Variants in LGSN observed in about 807,000 individuals in gnomAD.
The protein encoded by LGSN is lengsin.
In LGSN, 21 loss-of-function variants were observed where a neutral mutation model predicts 19.5. The ratio of observed to expected loss-of-function variants is 1.07; its 90% CI spans 0.76 to 1.55. The LOEUF (loss-of-function observed/expected upper bound fraction) is 1.55. LGSN is among the 40% of genes most tolerant of loss of function. The pLI, the probability that LGSN is intolerant of heterozygous loss-of-function variation, is 0.00. For synonymous variants in LGSN, 257 were observed against 215.6 expected (o/e 1.19, Z -1.68); for missense variants, 673 against 608.5 (o/e 1.11, Z -1.12).
At chr6:63,312,367 G>T (rs900714975) in intron 1 of LGSN, among the ~76,000 whole-genome samples, 4 of 152,096 alleles carry the variant, frequency 2.6e-5, no homozygotes, top group African/African-American at 9.7e-5. Flanking sequence ...ATGGATGATT[G>T]ATGTTCTTAA....
chr6:63,433,928 TG>T, the LGSN span, among the ~76,000 whole-genome samples: 2 of 152,206 alleles, frequency 1.3e-5, no homozygotes, highest in Admixed American at 1.3e-4. Flanking sequence ...TATCCAGTCA[TG>T]GGACTAGCAG....
At chr6:63,540,731 T>C in the LGSN span, among the ~76,000 whole-genome samples, 9 of 151,916 alleles carry the variant, frequency 5.9e-5, no homozygotes, top group Non-Finnish European at 1.2e-4. Flanking sequence ...ACAGGATGCA[T>C]ATTAAACACA....
the LGSN span, among the ~76,000 whole-genome samples, chr6:63,389,252 T>C: frequency 6.6e-6 from 1 of 152,188 alleles, no homozygotes; most frequent in African/African-American, 2.4e-5. Flanking sequence ...AATCAAAAAA[T>C]GTGAAACCTA....
the LGSN span, among the ~76,000 whole-genome samples, chr6:63,425,291 C>T: frequency 6.6e-6 from 1 of 152,170 alleles, no homozygotes; most frequent in East Asian, 1.9e-4. Context: ...ACATAAAGAC[C>T]AATGTTCATG....
At chr6:63,354,995 G>A in the LGSN span, among the ~76,000 whole-genome samples, 1 of 152,118 alleles carries the variant, frequency 6.6e-6, no homozygotes, top group Non-Finnish European at 1.5e-5. Context: ...GTATGGGTGT[G>A]GGTGTGGGTG....
the LGSN span, among the ~76,000 whole-genome samples, chr6:63,349,032 G>C: frequency 6.6e-6 from 1 of 152,162 alleles, no homozygotes; most frequent in Non-Finnish European, 1.5e-5. Flanking sequence ...ATAAGGAAAA[G>C]GGGGCAGAAG....
chr6:63,502,903 G>A, the LGSN span, among the ~76,000 whole-genome samples: 1 of 152,120 alleles, frequency 6.6e-6, no homozygotes, highest in Non-Finnish European at 1.5e-5. Flanking sequence ...AATAATTCCA[G>A]CTAGAAGACG....
At chr6:63,432,174 G>GA in the LGSN span, among the ~76,000 whole-genome samples, 1 of 22,644 alleles carries the variant, frequency 4.4e-5, no homozygotes, top group South Asian at 1.7e-3. Flanking sequence ...AGAAAGAAAA[G>GA]GAAAGAAAGA....
chr6:63,561,998 T>C, the LGSN span, among the ~76,000 whole-genome samples: 2 of 152,080 alleles, frequency 1.3e-5, no homozygotes, highest in African/African-American at 4.8e-5. Flanking sequence ...AGTATCATTT[T>C]TGGAAAAAAA....
chr6:63,490,888 G>A, the LGSN span, among the ~76,000 whole-genome samples: 5 of 152,084 alleles, frequency 3.3e-5, no homozygotes, highest in African/African-American at 1.2e-4. Flanking sequence ...GTTCAAGTAT[G>A]AAAAAGTGCA....
chr6:63,310,673 A>C (rs1232103322), intron 1 of LGSN, among the ~76,000 whole-genome samples: 1 of 152,218 alleles, frequency 6.6e-6, no homozygotes. Context: ...CTGGAAGATA[A>C]ACATATGAAT....
the LGSN span, among the ~76,000 whole-genome samples, chr6:63,432,179 G>GGAAAGAAAGA: frequency 8.8e-6 from 1 of 113,560 alleles, no homozygotes; most frequent in Non-Finnish European, 1.8e-5. Flanking sequence ...GAAAAGGAAA[G>GGAAAGAAAGA]AAAGAAAAGA....
At chr6:63,356,624 G>C in the LGSN span, among the ~76,000 whole-genome samples, 4 of 152,048 alleles carry the variant, frequency 2.6e-5, no homozygotes, top group Non-Finnish European at 5.9e-5. Context: ...GGCATGTTTA[G>C]GTAAGGTAGT....
the LGSN span, among the ~76,000 whole-genome samples, chr6:63,424,315 G>A: frequency 6.6e-6 from 1 of 151,920 alleles, no homozygotes; most frequent in Non-Finnish European, 1.5e-5. Context: ...TAACCATTAA[G>A]GAAATTGAAT....
chr6:63,393,952 A>G, the LGSN span, among the ~76,000 whole-genome samples: 1 of 152,162 alleles, frequency 6.6e-6, no homozygotes, highest in South Asian at 2.1e-4. Context: ...CAAAAGATAC[A>G]GGTCACAAAG....
chr6:63,319,294 A>C (rs569816301), intron 1 of LGSN, among the ~76,000 whole-genome samples: 34 of 152,300 alleles, frequency 2.2e-4, no homozygotes, highest in Non-Finnish European at 2.5e-4. Flanking sequence ...ACTAAAGATA[A>C]CTCACATCCT....
At chr6:63,457,248 G>A in the LGSN span, among the ~76,000 whole-genome samples, 14 of 152,216 alleles carry the variant, frequency 9.2e-5, no homozygotes, top group East Asian at 1.2e-3. Context: ...GCTCACACCC[G>A]TAATCCACCA....
the LGSN span, among the ~76,000 whole-genome samples, chr6:63,343,392 G>A: frequency 1.3e-5 from 2 of 152,164 alleles, no homozygotes; most frequent in African/African-American, 4.8e-5. Flanking sequence ...GTCAAAAAAT[G>A]TAACTTAAAT....
the LGSN span, among the ~76,000 whole-genome samples, chr6:63,326,992 G>A: frequency 6.6e-6 from 1 of 152,240 alleles, no homozygotes; most frequent in Non-Finnish European, 1.5e-5. Context: ...GGGCTGTGAG[G>A]ACTGCCAGCA....
Sources: allele counts gnomAD v4.1 joint callset (sites outside exome capture counted in the v4.1 genomes callset), GRCh38; gene constraint gnomAD v4.1.1; transcripts MANE v1.5; gene names NCBI Gene and HGNC (gene_info 2026-07-23, HGNC 2026-07-21).